Variants in VWA8 observed in about 807,000 individuals in gnomAD.
VWA8 encodes the protein von Willebrand factor A domain-containing protein 8.
In VWA8, 221 loss-of-function variants were observed where a neutral mutation model predicts 241.5. The observed-to-expected ratio is 0.91, with a 90% CI of 0.82 to 1.02. VWA8 has a LOEUF of 1.02. Ranked by LOEUF, VWA8 falls within the 50% of genes least tolerant of loss-of-function variation. The pLI is 0.00. For missense variants in VWA8, 2,322 were observed against 2,328.7 expected, an observed-to-expected ratio of 1.00 and a Z score of 0.06; for synonymous variants, 852 against 827.1, an observed-to-expected ratio of 1.03 and a Z score of -0.52.
intron 33 of VWA8, 112 bp from the exon 34 acceptor site, chr13:41,689,620 GA>G: frequency 9.0e-7 from 1 of 1,111,906 alleles, no homozygotes; most frequent in Non-Finnish European, 1.2e-6. Flanking sequence ...TTAAAAAAGA[GA>G]AAACATTTTA....
chr13:41,896,843 G>A lies in VWA8; in HGVS notation c.484-5256C>T, dbSNP rs547177804. 3.0e-3 allele frequency among the ~76,000 whole-genome samples: 457 copies of A among 152,198 alleles called. 1 individual carries two copies. Among genetic ancestry groups the A allele is most frequent in the Non-Finnish European group, 5.2e-3 (351 of 67,986 alleles). Reference sequence around the variant, plus strand: ...TGATAAGCTTATGGAGAGTAACTTAGAAAGATATATAAAAATGTAAATGGC... The same window carrying A: ...TGATAAGCTTATGGAGAGTAACTTAAAAAGATATATAAAAATGTAAATGGC... On this transcript the variant is annotated intron_variant, in intron 4 of 44. Transcript: ENST00000379310.
At chr13:41,817,810 AATGT>A (rs1331609204) in intron 15 of VWA8, among the ~76,000 whole-genome samples, 7 of 152,188 alleles carry the variant, frequency 4.6e-5, no homozygotes, top group Non-Finnish European at 8.8e-5. Context: ...AAAGGGAATA[AATGT>A]ATTTAAATAG....
At chr13:41,862,539 C>A (rs1320486437) in intron 12 of VWA8, among the ~76,000 whole-genome samples, 2 of 152,180 alleles carry the variant, frequency 1.3e-5, no homozygotes, top group East Asian at 3.8e-4. Context: ...TATTCACAAA[C>A]TATGCATATG....
chr13:41,698,976 A>G, intron 29 of VWA8, 95 bp downstream of exon 29: 9 of 1,546,076 alleles, frequency 5.8e-6, no homozygotes, highest in Non-Finnish European at 8.0e-6. Context: ...CTCCTTGATC[A>G]TCATGAAAGC....
chr13:41,599,063 C>G (rs2044505908), intron 40 of VWA8, among the ~76,000 whole-genome samples: 1 of 152,074 alleles, frequency 6.6e-6, no homozygotes, highest in Non-Finnish European at 1.5e-5. Flanking sequence ...AAGCACTTAC[C>G]ATGTTTCATG....
At chr13:41,580,145 G>A (rs1473337512) in intron 42 of VWA8, among the ~76,000 whole-genome samples, 1 of 151,796 alleles carries the variant, frequency 6.6e-6, no homozygotes, top group East Asian at 1.9e-4. Context: ...ATGAACCACT[G>A]TGCCCGGCCC....
At chr13:41,863,501 T>C (rs1356535200) in intron 12 of VWA8, among the ~76,000 whole-genome samples, 1 of 147,772 alleles carries the variant, frequency 6.8e-6, no homozygotes, top group Non-Finnish European at 1.5e-5. Flanking sequence ...CTATATATAT[T>C]AGTTCAGTCC....
intron 37 of VWA8, among the ~76,000 whole-genome samples, chr13:41,662,827 T>C (rs546313444): frequency 6.6e-6 from 1 of 152,130 alleles, no homozygotes; most frequent in African/African-American, 2.4e-5. Context: ...AGGGAAAGCG[T>C]TCAGTCTCTT....
At chr13:41,726,186 A>G (rs1377791127) in intron 24 of VWA8, among the ~76,000 whole-genome samples, 1 of 152,056 alleles carries the variant, frequency 6.6e-6, no homozygotes, top group Non-Finnish European at 1.5e-5. Context: ...ACTGCATAGC[A>G]TTCTATTGTG....
chr13:41,592,676 TC>T (rs1303858863), intron 40 of VWA8, among the ~76,000 whole-genome samples: 1 of 148,736 alleles, frequency 6.7e-6, no homozygotes, highest in Non-Finnish European at 1.5e-5. Context: ...TTCCCTAAAA[TC>T]CTTGAAAATA....
chr13:41,899,856 T>C (rs1216317492), intron 4 of VWA8, among the ~76,000 whole-genome samples: 1 of 152,216 alleles, frequency 6.6e-6, no homozygotes, highest in African/African-American at 2.4e-5. Context: ...GGCCCAAGCA[T>C]CTTAACCTCC....
chr13:41,801,084 A>C (rs1869936240), intron 17 of VWA8, among the ~76,000 whole-genome samples: 1 of 152,020 alleles, frequency 6.6e-6, no homozygotes, highest in Admixed American at 6.5e-5. Context: ...ATATTTCTCC[A>C]AACTTTGGTA....
intron 39 of VWA8, among the ~76,000 whole-genome samples, chr13:41,609,117 G>A (rs1026993273): frequency 6.6e-6 from 1 of 152,170 alleles, no homozygotes. Flanking sequence ...TGTAGGTCCT[G>A]GGGTTATACT....
At chr13:41,834,551 C>T (rs764197568) in intron 12 of VWA8, among the ~76,000 whole-genome samples, 22 of 152,076 alleles carry the variant, frequency 1.4e-4, no homozygotes, top group Non-Finnish European at 2.5e-4. Flanking sequence ...AAAGTACTGA[C>T]TAAATGGCTA....
chr13:41,903,754 C>T (rs1260654831), intron 4 of VWA8, among the ~76,000 whole-genome samples: 10 of 152,278 alleles, frequency 6.6e-5, no homozygotes. Context: ...GGGTTTGGAT[C>T]TGACGGTGGA....
chr13:41,638,928 G>A (rs373460247), intron 37 of VWA8, among the ~76,000 whole-genome samples: 2 of 152,308 alleles, frequency 1.3e-5, no homozygotes, highest in East Asian at 3.9e-4. Flanking sequence ...GCCTGAGCAG[G>A]AGGGAGGAAA....
intron 12 of VWA8, among the ~76,000 whole-genome samples, chr13:41,863,372 ATG>A (rs1316044640): frequency 6.4e-5 from 8 of 124,404 alleles, no homozygotes; most frequent in Admixed American, 3.2e-4. Context: ...ATATATATAT[ATG>A]TGTGTGTGTG....
In VWA8 at chr13:41,587,535, C is replaced by T. The variant is rs374983635; in HGVS notation, c.5248G>A (p.Glu1750Lys). The T allele has an allele frequency of 5.1e-5, 82 of 1,614,008 alleles. No individual in the cohort carries two copies. Among genetic ancestry groups the T allele is most frequent in the East Asian group, 6.7e-5 (3 of 44,894 alleles). The change falls in exon 42 of 45, where the codon GAG becomes AAG. Residue 1750 changes from glutamate to lysine, a missense_variant. Physicochemically the swap from Glu to Lys is moderately conservative, Grantham distance 56 (BLOSUM62 1). Transcript: ENST00000379310. ...ACCTGGAACTTCTCCTCATAGTTCT[C>T]GAAGGCTTCCATGACCATACACACA... is the stretch of plus-strand genomic sequence containing the variant. Reference protein sequence around the residue: ...EAVCMVMEAFENYEEKFQYDI... With the variant: ...EAVCMVMEAFKNYEEKFQYDI...
chr13:41,847,186 A>C (rs1426997906), intron 12 of VWA8, among the ~76,000 whole-genome samples: 1 of 152,142 alleles, frequency 6.6e-6, no homozygotes, highest in East Asian at 1.9e-4. Flanking sequence ...CATGGATCTT[A>C]CACTCCAGTG....
Sources: allele counts gnomAD v4.1 joint callset (sites outside exome capture counted in the v4.1 genomes callset), GRCh38; gene constraint gnomAD v4.1.1; transcripts MANE v1.5; gene names NCBI Gene and HGNC (gene_info 2026-07-23, HGNC 2026-07-21).